KCNAB1: variants seen among roughly 807,000 people sequenced by gnomAD.
KCNAB1 encodes the protein potassium voltage-gated channel subfamily A regulatory beta subunit 1.
Under a neutral mutation model 64.6 loss-of-function variants are expected in KCNAB1, and 35 were observed. The ratio of observed to expected loss-of-function variants is 0.54; its 90% CI spans 0.41 to 0.72. The LOEUF is 0.72. KCNAB1 is among the 30% of genes least tolerant of loss of function. KCNAB1 has a pLI of 0.00. For missense variants in KCNAB1, 401 were observed against 512.9 expected, an observed-to-expected ratio of 0.78 and a Z score of 2.11; for synonymous variants, 177 against 183.8, an observed-to-expected ratio of 0.96 and a Z score of 0.30.
At chr3:156,213,213 C>G (rs1715120142) in intron 1 of KCNAB1, among the ~76,000 whole-genome samples, 1 of 93,942 alleles carries the variant, frequency 1.1e-5, no homozygotes, top group Non-Finnish European at 2.3e-5. Context: ...CAGTCTCTTT[C>G]ACTTTTTTTT....
intron 1 of KCNAB1, among the ~76,000 whole-genome samples, chr3:156,284,570 C>T (rs1719972486): frequency 1.3e-5 from 2 of 152,232 alleles, no homozygotes; most frequent in Admixed American, 6.5e-5. Flanking sequence ...CCCAGCCTCG[C>T]TGCTGCCTTG....
intron 1 of KCNAB1, among the ~76,000 whole-genome samples, chr3:156,301,085 A>G (rs1489727587): frequency 1.3e-5 from 2 of 152,220 alleles, no homozygotes; most frequent in Non-Finnish European, 2.9e-5. Context: ...GTTCATATCT[A>G]CTGGAAAGCC....
chr3:156,398,893 G>A (rs1051859987), intron 1 of KCNAB1, among the ~76,000 whole-genome samples: 1 of 152,120 alleles, frequency 6.6e-6, no homozygotes, highest in African/African-American at 2.4e-5. Flanking sequence ...TAGCACTGAG[G>A]AACAGGCCAA....
chr3:156,329,979 T>C (rs1723227539), intron 1 of KCNAB1, among the ~76,000 whole-genome samples: 1 of 152,190 alleles, frequency 6.6e-6, no homozygotes, highest in Admixed American at 6.5e-5. Context: ...GAATTCTGAA[T>C]GAAACAGAGT....
intron 8 of KCNAB1, among the ~76,000 whole-genome samples, chr3:156,484,685 C>A (rs140222313): frequency 6.6e-6 from 1 of 152,066 alleles, no homozygotes; most frequent in Non-Finnish European, 1.5e-5. Context: ...TACTGGCATG[C>A]TGATTGAATG....
intron 4 of KCNAB1, among the ~76,000 whole-genome samples, chr3:156,458,842 T>C (rs1170844094): frequency 1.3e-5 from 2 of 152,210 alleles, no homozygotes; most frequent in African/African-American, 4.8e-5. Flanking sequence ...ATTGTCGGTC[T>C]ATAATTGAGA....
Position 156,334,064 on chromosome 3 carries a change from AC to A in KCNAB1, c.276-87549del, listed in dbSNP as rs1403621377. On this transcript the variant is annotated intron_variant, in intron 1 of 13. Transcript: ENST00000490337. ...TTTGGGTTCGTGTCATGCTTTAAAA[AC>A]CCTAAAAGCCCTTCTAGATTAATTT... 5.9e-5 allele frequency among the ~76,000 whole-genome samples: 9 copies of A among 152,020 alleles called. No individual in the cohort carries two copies. The East Asian group carries it at 7.7e-4, about 13-fold the overall frequency.
At chr3:156,427,411 CT>C (rs1460828486) in intron 2 of KCNAB1, among the ~76,000 whole-genome samples, 2 of 152,194 alleles carry the variant, frequency 1.3e-5, no homozygotes, top group Non-Finnish European at 2.9e-5. Flanking sequence ...TTTAGGACAT[CT>C]GGCTCATGGT....
At chr3:156,408,820 A>G (rs1714439384) in intron 1 of KCNAB1, among the ~76,000 whole-genome samples, 1 of 152,176 alleles carries the variant, frequency 6.6e-6, no homozygotes, top group African/African-American at 2.4e-5. Context: ...ACCTGAGTTC[A>G]GGTATAGGCA....
At chr3:156,519,172 A>G (rs1717769145) in intron 11 of KCNAB1, among the ~76,000 whole-genome samples, 2 of 152,172 alleles carry the variant, frequency 1.3e-5, no homozygotes, top group East Asian at 3.9e-4. Flanking sequence ...CCTTTTCTCA[A>G]CAACCCACCA....
chr3:156,146,444 G>A (rs1009139006), intron 1 of KCNAB1, among the ~76,000 whole-genome samples: 1 of 152,122 alleles, frequency 6.6e-6, no homozygotes, highest in Non-Finnish European at 1.5e-5. Flanking sequence ...ACACTGAGGA[G>A]TAGTTTTATG....
chr3:156,129,902 T>C (rs1713891002), intron 1 of KCNAB1, among the ~76,000 whole-genome samples: 1 of 152,228 alleles, frequency 6.6e-6, no homozygotes, highest in Non-Finnish European at 1.5e-5. Context: ...ATTCATACCC[T>C]GATTTAAAAT....
chr3:156,536,564 A>G, intron 13 of KCNAB1, 94 bp from the exon 14 acceptor site: 1 of 841,972 alleles, frequency 1.2e-6, no homozygotes, highest in Non-Finnish European at 2.0e-6. Context: ...ATGAAGATAT[A>G]TGATTCTAGA....
chr3:156,334,362 G>A (rs1272115006), intron 1 of KCNAB1, among the ~76,000 whole-genome samples: 1 of 152,192 alleles, frequency 6.6e-6, no homozygotes, highest in Non-Finnish European at 1.5e-5. Context: ...TTGATAGAAT[G>A]ATGCTCCCCA....
At chr3:156,209,456 G>T (rs539098527) in intron 1 of KCNAB1, among the ~76,000 whole-genome samples, 1 of 152,208 alleles carries the variant, frequency 6.6e-6, no homozygotes, top group Non-Finnish European at 1.5e-5. Flanking sequence ...CAACACTCAC[G>T]TCAATGAACT....
intron 7 of KCNAB1, among the ~76,000 whole-genome samples, chr3:156,474,456 C>T (rs1455127708): frequency 6.6e-6 from 1 of 152,144 alleles, no homozygotes; most frequent in Non-Finnish European, 1.5e-5. Flanking sequence ...GATATTGCCA[C>T]ATACAAGTCA....
At chr3:156,224,344 G>A (rs530180997) in intron 1 of KCNAB1, among the ~76,000 whole-genome samples, 40 of 152,334 alleles carry the variant, frequency 2.6e-4, no homozygotes, top group Admixed American at 3.9e-4. Context: ...AGCCGGCTCC[G>A]GCCTTGGCCA....
intron 1 of KCNAB1, among the ~76,000 whole-genome samples, chr3:156,170,880 C>T (rs1327379679): frequency 1.3e-5 from 2 of 152,106 alleles, no homozygotes; most frequent in Non-Finnish European, 2.9e-5. Context: ...GTTTTCAATT[C>T]CCTTTTGCTG....
intron 1 of KCNAB1, among the ~76,000 whole-genome samples, chr3:156,139,707 A>G (rs77964609): frequency 0.018 from 2,642 of 144,212 alleles, 46 homozygotes; most frequent in South Asian, 0.035. Flanking sequence ...AAATAGGTTT[A>G]TGAGAGAAAA....
Sources: allele counts gnomAD v4.1 joint callset (sites outside exome capture counted in the v4.1 genomes callset), GRCh38; gene constraint gnomAD v4.1.1; transcripts MANE v1.5; gene names NCBI Gene and HGNC (gene_info 2026-07-23, HGNC 2026-07-21).